RIPOR3: variants seen among roughly 807,000 people sequenced by gnomAD.
RIPOR3 encodes the protein family with sequence similarity 65 member C.
Under a neutral mutation model 114.3 loss-of-function variants are expected in RIPOR3, and 95 were observed. The observed-to-expected ratio is 0.83, with a 90% CI of 0.70 to 0.99. The LOEUF (loss-of-function observed/expected upper bound fraction) is 0.99. Ranked by LOEUF, RIPOR3 falls within the 50% of genes least tolerant of loss-of-function variation. The pLI, the probability that RIPOR3 is intolerant of heterozygous loss-of-function variation, is 0.00. For synonymous variants in RIPOR3, 575 were observed against 543.8 expected (o/e 1.06, Z -0.80); for missense variants, 1,252 against 1,266.9 (o/e 0.99, Z 0.18).
At chr20:50,615,182 A>T (rs147084693) in intron 4 of RIPOR3, among the ~76,000 whole-genome samples, 221 of 146,066 alleles carry the variant, frequency 1.5e-3, no homozygotes, top group African/African-American at 5.4e-3. Flanking sequence ...GAGGCAAAAA[A>T]CCAGAGCAGG....
chr20:50,626,628 C>A (rs1471693446), intron 2 of RIPOR3, among the ~76,000 whole-genome samples: 1 of 152,230 alleles, frequency 6.6e-6, no homozygotes, highest in Non-Finnish European at 1.5e-5. Context: ...TTCAGAGGCC[C>A]CCACAGGCCT....
Position 50,691,365 on chromosome 20 carries a change from C to G in RIPOR3, c.-237G>C, listed in dbSNP as rs1030603038. On this transcript the variant is annotated 5_prime_UTR_variant, in exon 1 of 22. Transcript: ENST00000327979. Reference sequence around the variant, plus strand: ...CTTCTGGTGCAGGGAGGCCGGTGCCCTGCCGGGCTCTGATAATGCAGCCGG... The same window carrying G: ...CTTCTGGTGCAGGGAGGCCGGTGCCGTGCCGGGCTCTGATAATGCAGCCGG... 5.4e-6 allele frequency: 2 copies of G among 372,282 alleles called. No homozygotes were observed. Among genetic ancestry groups the G allele is most frequent in the Non-Finnish European group, 1.0e-5 (2 of 196,770 alleles). The allele number at this position is 372,282 out of a possible 1,614,324, so 23.1% of individuals were successfully genotyped here.
intron 11 of RIPOR3, among the ~76,000 whole-genome samples, chr20:50,606,541 G>A (rs1197040326): frequency 1.3e-5 from 2 of 152,114 alleles, no homozygotes; most frequent in Non-Finnish European, 2.9e-5. Flanking sequence ...GGCGAAACAG[G>A]GACCATCCCT....
At chr20:50,641,481 G>A (rs901316325) in intron 1 of RIPOR3, among the ~76,000 whole-genome samples, 4 of 152,234 alleles carry the variant, frequency 2.6e-5, no homozygotes, top group East Asian at 1.9e-4. Context: ...CTCCTGGACT[G>A]AAGCAGTCCT....
intron 18 of RIPOR3, 32 bp downstream of exon 18, chr20:50,593,003 T>C (rs759602074): frequency 6.2e-7 from 1 of 1,611,382 alleles, no homozygotes; most frequent in Non-Finnish European, 8.5e-7. Flanking sequence ...TGGATATTCC[T>C]CTGCTATGAC....
At chr20:50,618,270 CAAAAAAAAAAAAAAAAAAAAAAA>C (rs61215608) in intron 3 of RIPOR3, among the ~76,000 whole-genome samples, 1 of 67,392 alleles carries the variant, frequency 1.5e-5, no homozygotes, top group Non-Finnish European at 2.6e-5. Flanking sequence ...GACTCCGTCT[CAAAAAAAAAAAAAAAAAAAAAAA>C]AAAAAAAAGG....
chr20:50,652,912 G>A lies in RIPOR3; in HGVS notation c.4-22056C>T, dbSNP rs114114416. Among the ~76,000 whole-genome samples, 707 of 152,300 alleles carry A rather than the reference G, an allele frequency of 4.6e-3. 9 individuals are homozygous for A. Among genetic ancestry groups the A allele is most frequent in the African/African-American group, 0.016 (684 of 41,568 alleles). On this transcript the variant is annotated intron_variant, in intron 1 of 21. Coordinates refer to ENST00000327979, the MANE Select transcript of RIPOR3 (RefSeq NM_001290268.2). ...CTCAAATGGTTAAGTATGAAATTAAGCAAATGGTTAAATGTAAATACGACC... is the reference window on the plus strand; with the variant it reads ...CTCAAATGGTTAAGTATGAAATTAAACAAATGGTTAAATGTAAATACGACC...
intron 1 of RIPOR3, among the ~76,000 whole-genome samples, chr20:50,638,757 T>A (rs777731871): frequency 3.8e-4 from 58 of 152,180 alleles, no homozygotes; most frequent in South Asian, 1.2e-3. Context: ...ACAGGCTGAC[T>A]TGGGAATCCC....
intron 20 of RIPOR3, among the ~76,000 whole-genome samples, chr20:50,588,623 C>T (rs2083000347): frequency 6.6e-6 from 1 of 151,414 alleles, no homozygotes; most frequent in Non-Finnish European, 1.5e-5. Flanking sequence ...AAGCTTTATG[C>T]ACAAACATGA....
At position 50,676,135 on chromosome 20, in the gene RIPOR3, C is replaced by A. The variant is rs1023866690; in HGVS notation, c.3+14991G>T. 2.0e-5 allele frequency among the ~76,000 whole-genome samples: 3 copies of A among 152,278 alleles called. No individual in the cohort carries two copies. The East Asian group carries it at 5.8e-4, about 29-fold the overall frequency. ...CATCTGAGTTCCTTCGCCTTTTGTC[C>A]CAAGACACAAAAATGTCAAAAATGT... On this transcript the variant is annotated intron_variant, in intron 1 of 21. Coordinates refer to ENST00000327979, the MANE Select transcript of RIPOR3 (RefSeq NM_001290268.2).
chr20:50,621,120 CA>C (rs75113562), intron 2 of RIPOR3: 5,488 of 172,480 alleles, frequency 0.032, 58 homozygotes, highest in African/African-American at 0.07. Context: ...AACAGCTTGA[CA>C]AAAAAAAAAA....
At chr20:50,592,900 T>A (rs903766328) in intron 18 of RIPOR3, 135 bp downstream of exon 18, 1 of 1,172,236 alleles carries the variant, frequency 8.5e-7, no homozygotes, top group African/African-American at 1.5e-5. Flanking sequence ...ACGCAGAATC[T>A]CATTAAATCG....
In RIPOR3 at chr20:50,602,680, C is replaced by T. The variant is rs778963580; in HGVS notation, c.1087-36G>A. ...GACACGGGAGCGGCCTCACCAGCCACCCCAGGGACCACAGCAAGTCCCCCA... is the reference window on the plus strand; with the variant it reads ...GACACGGGAGCGGCCTCACCAGCCATCCCAGGGACCACAGCAAGTCCCCCA... On this transcript the variant is annotated intron_variant, in intron 12 of 21. Coordinates refer to ENST00000327979, the MANE Select transcript of RIPOR3 (RefSeq NM_001290268.2). The surrounding 1 kb of genome is among the most constrained non-coding windows in gnomAD (Gnocchi z 4.3). The T allele has an allele frequency of 1.4e-6, 2 of 1,408,864 alleles. No individual in the cohort carries two copies. Among genetic ancestry groups the T allele is most frequent in the Non-Finnish European group, 1.9e-6 (2 of 1,073,494 alleles). The allele number at this position is 1,408,864 out of a possible 1,614,324, so 87.3% of individuals were successfully genotyped here.
chr20:50,664,461 G>A (rs949774649), intron 1 of RIPOR3, among the ~76,000 whole-genome samples: 3 of 152,268 alleles, frequency 2.0e-5, no homozygotes, highest in East Asian at 1.9e-4. Context: ...TTCCATGTGT[G>A]TGTGCAGCCG....
chr20:50,625,514 G>T (rs2084587689), intron 2 of RIPOR3, among the ~76,000 whole-genome samples: 2 of 152,196 alleles, frequency 1.3e-5, no homozygotes, highest in Admixed American at 1.3e-4. Flanking sequence ...AGCTTCACAG[G>T]CAGGGCTGGA....
At chr20:50,672,872 A>T (rs1165462085) in intron 1 of RIPOR3, among the ~76,000 whole-genome samples, 1 of 152,182 alleles carries the variant, frequency 6.6e-6, no homozygotes. Flanking sequence ...GCAGAAGGGG[A>T]TGTGAAGACA....
chr20:50,655,946 A>C (rs554742115), intron 1 of RIPOR3, among the ~76,000 whole-genome samples: 1 of 152,066 alleles, frequency 6.6e-6, no homozygotes, highest in Non-Finnish European at 1.5e-5. Flanking sequence ...TATGAAGAAG[A>C]AAGTAAAAAT....
At chr20:50,681,336 T>G (rs1461831726) in intron 1 of RIPOR3, among the ~76,000 whole-genome samples, 1 of 151,120 alleles carries the variant, frequency 6.6e-6, no homozygotes, top group Admixed American at 6.6e-5. Flanking sequence ...TTAGAGAAAT[T>G]GAGGTTCAAA....
At chr20:50,644,309 AAACAGTATTT>A (rs1201935481) in intron 1 of RIPOR3, among the ~76,000 whole-genome samples, 3 of 130,226 alleles carry the variant, frequency 2.3e-5, no homozygotes, top group African/African-American at 6.8e-5. Flanking sequence ...TTGACACTAA[AAACAGTATTT>A]TATAACTGCT....
Sources: allele counts gnomAD v4.1 joint callset (sites outside exome capture counted in the v4.1 genomes callset), GRCh38; gene constraint gnomAD v4.1.1; non-coding constraint Gnocchi (gnomAD v3.1); transcripts MANE v1.5; gene names NCBI Gene and HGNC (gene_info 2026-07-23, HGNC 2026-07-21).